Variants in LDLRAD3 observed in about 807,000 individuals in gnomAD.
LDLRAD3 encodes the protein low-density lipoprotein receptor class A domain-containing protein 3.
A neutral mutation model predicts 29.4 loss-of-function variants in LDLRAD3; 20 were observed. The ratio of observed to expected loss-of-function variants is 0.68; its 90% CI spans 0.48 to 0.99. The LOEUF (loss-of-function observed/expected upper bound fraction) is 0.99, where lower values mean the gene tolerates loss of function less well. Ranked by LOEUF, LDLRAD3 falls within the 50% of genes least tolerant of loss-of-function variation. The pLI, the probability that LDLRAD3 is intolerant of heterozygous loss-of-function variation, is 0.00. For synonymous variants in LDLRAD3, 157 were observed against 192.7 expected, an observed-to-expected ratio of 0.81 and a Z score of 1.53; for missense variants, 420 against 454.3, an observed-to-expected ratio of 0.92 and a Z score of 0.69.
chr11:36,136,050 G>A (rs1853999466), intron 4 of LDLRAD3, among the ~76,000 whole-genome samples: 1 of 152,206 alleles, frequency 6.6e-6, no homozygotes, highest in Non-Finnish European at 1.5e-5. Flanking sequence ...TGAAGGACCT[G>A]CTAGCATTAT....
intron 4 of LDLRAD3, among the ~76,000 whole-genome samples, chr11:36,211,121 G>T (rs1855278556): frequency 6.6e-6 from 1 of 152,184 alleles, no homozygotes; most frequent in Non-Finnish European, 1.5e-5. Flanking sequence ...TTGTATTTTA[G>T]GCTTGATGGG....
At chr11:36,159,746 C>G in intron 4 of LDLRAD3, among the ~76,000 whole-genome samples, 1 of 151,984 alleles carries the variant, frequency 6.6e-6, no homozygotes. Flanking sequence ...GCACTCCAGC[C>G]TGGCAACAGA....
intron 1 of LDLRAD3, among the ~76,000 whole-genome samples, chr11:35,976,496 G>A (rs533875749): frequency 6.6e-6 from 1 of 152,230 alleles, no homozygotes; most frequent in Admixed American, 6.5e-5. Flanking sequence ...GGAGGCCCAG[G>A]GGCAATGGAT....
At chr11:36,167,421 GA>G in intron 4 of LDLRAD3, among the ~76,000 whole-genome samples, 1 of 152,294 alleles carries the variant, frequency 6.6e-6, no homozygotes, top group African/African-American at 2.4e-5. Flanking sequence ...CCATCACGAT[GA>G]GGTCATACTG....
At chr11:36,173,419 G>A (rs1257750615) in intron 4 of LDLRAD3, among the ~76,000 whole-genome samples, 1 of 142,940 alleles carries the variant, frequency 7.0e-6, no homozygotes, top group Non-Finnish European at 1.5e-5. Flanking sequence ...TCCCACCTAT[G>A]AGTGAGAACA....
intron 4 of LDLRAD3, among the ~76,000 whole-genome samples, chr11:36,222,327 C>G (rs1429966598): frequency 6.6e-6 from 1 of 152,042 alleles, no homozygotes; most frequent in Non-Finnish European, 1.5e-5. Flanking sequence ...CAAGCCATCC[C>G]CCCTACTTTC....
At chr11:36,015,243 G>A (rs532076096) in intron 1 of LDLRAD3, among the ~76,000 whole-genome samples, 12 of 152,232 alleles carry the variant, frequency 7.9e-5, no homozygotes, top group African/African-American at 2.6e-4. Flanking sequence ...AAAGGAGTGG[G>A]GCTGTTTTGA....
At chr11:36,207,115 TG>T (rs1303074454) in intron 4 of LDLRAD3, among the ~76,000 whole-genome samples, 2 of 152,198 alleles carry the variant, frequency 1.3e-5, no homozygotes, top group African/African-American at 4.8e-5. Flanking sequence ...TGGTCTCATC[TG>T]AAGTTTCAAC....
intron 4 of LDLRAD3, among the ~76,000 whole-genome samples, chr11:36,111,087 C>T (rs1853598512): frequency 6.6e-6 from 1 of 152,000 alleles, no homozygotes; most frequent in Non-Finnish European, 1.5e-5. Flanking sequence ...TGCTGGGGGC[C>T]CCCTCCCTGC....
intron 1 of LDLRAD3, among the ~76,000 whole-genome samples, chr11:36,020,101 C>T (rs1489849614): frequency 6.6e-6 from 1 of 152,114 alleles, no homozygotes; most frequent in Non-Finnish European, 1.5e-5. Context: ...TGGAGGCAAG[C>T]TTTTACCTGC....
intron 1 of LDLRAD3, among the ~76,000 whole-genome samples, chr11:35,985,039 C>G (rs1456359065): frequency 6.6e-6 from 1 of 151,956 alleles, no homozygotes; most frequent in African/African-American, 2.4e-5. Flanking sequence ...ATTCTCCCAC[C>G]TCAGCCTCCC....
At chr11:36,043,405 T>G (rs1461504074) in intron 2 of LDLRAD3, among the ~76,000 whole-genome samples, 1 of 152,236 alleles carries the variant, frequency 6.6e-6, no homozygotes, top group South Asian at 2.1e-4. Flanking sequence ...TTCATTTTTT[T>G]CCTTTAACAA....
intron 4 of LDLRAD3, among the ~76,000 whole-genome samples, chr11:36,201,458 G>T (rs1344728109): frequency 6.6e-6 from 1 of 152,116 alleles, no homozygotes; most frequent in Admixed American, 6.5e-5. Context: ...GTGGGTTTTT[G>T]TGGGGTTTTT....
rs781333791 is a variant in LDLRAD3, at chr11:36,229,380, G to A, written c.1021G>A (p.Gly341Ser). ...AEPRDSEPSQ[G>S]TEEV The stretch of plus-strand genomic sequence containing the variant: ...GCCCAGGGACTCTGAGCCCAGCCAG[G>A]GCACTGAAGAAGTATAAGTCCCAGT... The change falls in exon 6 of 6, where the codon GGC (glycine) becomes AGC (serine). Residue 341 changes from glycine (G) to serine (S), a missense_variant. This residue lies in a region of LDLRAD3 where 140 missense variants were observed against 139.9 expected (regional missense o/e 1.00). Coordinates refer to ENST00000315571, the MANE Select transcript of LDLRAD3 (RefSeq NM_174902.4). The A allele has an allele frequency of 3.7e-6, 6 of 1,611,786 alleles. No homozygotes were observed. In the Admixed American group the frequency reaches 6.7e-5, roughly 18 times the overall value.
chr11:36,033,163 G>A (rs391277), intron 1 of LDLRAD3, among the ~76,000 whole-genome samples: 66,545 of 152,056 alleles, frequency 0.44, 17,378 homozygotes, highest in Admixed American at 0.58. Context: ...GTGAGCTACC[G>A]TTACCGGCCC....
chr11:36,157,241 C>G (rs1024338477), intron 4 of LDLRAD3, among the ~76,000 whole-genome samples: 2 of 152,106 alleles, frequency 1.3e-5, no homozygotes, highest in African/African-American at 4.8e-5. Flanking sequence ...GATCTCTGCC[C>G]CCTCATGCCT....
chr11:36,156,926 G>C (rs1565265946), intron 4 of LDLRAD3, among the ~76,000 whole-genome samples: 1 of 152,194 alleles, frequency 6.6e-6, no homozygotes, highest in Non-Finnish European at 1.5e-5. Flanking sequence ...TGGTTGAAAA[G>C]CTGCAAATAT....
At chr11:36,126,584 G>A (rs182086196) in intron 4 of LDLRAD3, among the ~76,000 whole-genome samples, 18 of 152,262 alleles carry the variant, frequency 1.2e-4, no homozygotes, top group Non-Finnish European at 2.5e-4. Context: ...TTGGGGCAGC[G>A]GAGTCTGGAG....
At chr11:36,209,694 AACTTATCTCC>A (rs1200974408) in intron 4 of LDLRAD3, among the ~76,000 whole-genome samples, 3 of 152,114 alleles carry the variant, frequency 2.0e-5, no homozygotes, top group Non-Finnish European at 4.4e-5. Context: ...TGTATGTCTA[AACTTATCTCC>A]AAATAAAAAA....
Sources: gnomAD v4.1 joint callset for allele counts (sites outside exome capture counted in the v4.1 genomes callset) on GRCh38, gnomAD v4.1.1 for gene constraint, gnomAD v4.1.1 regional missense constraint, MANE v1.5 for transcripts, NCBI Gene and HGNC (gene_info 2026-07-23, HGNC 2026-07-21) for gene names.